MAP4: variants seen among roughly 807,000 people sequenced by gnomAD.
The protein encoded by MAP4 is microtubule associated protein 4.
In MAP4, 76 loss-of-function variants were observed where a neutral mutation model predicts 170.2. The observed-to-expected ratio is 0.45, with a 90% CI of 0.37 to 0.54. MAP4 has a LOEUF of 0.54. Ranked by LOEUF, MAP4 falls within the 20% of genes least tolerant of loss-of-function variation. The probability of loss-of-function intolerance (pLI) is 0.00; values close to 1 mark genes in which losing one functional copy is unlikely to be tolerated. For missense variants in MAP4, 2,506 were observed against 2,748.0 expected (o/e 0.91, Z 1.97); for synonymous variants, 909 against 994.5 (o/e 0.91, Z 1.62).
intron 1 of MAP4, among the ~76,000 whole-genome samples, chr3:48,037,554 C>A (rs2100119344): frequency 6.6e-6 from 1 of 152,088 alleles, no homozygotes; most frequent in Non-Finnish European, 1.5e-5. Flanking sequence ...GCCACCATGC[C>A]TGGCTAATTT....
At chr3:47,858,417 C>A (rs2060039638) in intron 17 of MAP4, among the ~76,000 whole-genome samples, 1 of 152,158 alleles carries the variant, frequency 6.6e-6, no homozygotes, top group African/African-American at 2.4e-5. Context: ...CCAGACAGCT[C>A]TTCTGTCATT....
At position 47,917,602 on chromosome 3, in the gene MAP4, A is replaced by G. The variant is rs892732254; in HGVS notation, c.653-428T>C. On this transcript the variant is annotated intron_variant, in intron 6 of 20. Transcript: ENST00000683076. ...GTCCGTCTCAAAAAAAAAAAAAAAA[A>G]AAGAAGAAGAAGCTAATGTCAAGTA... Among the ~76,000 whole-genome samples, 58 of 151,708 alleles carry G rather than the reference A, an allele frequency of 3.8e-4. No homozygotes were observed. The South Asian group carries it at 5.2e-3, about 14-fold the overall frequency.
chr3:48,022,725 C>A (rs144815380), intron 1 of MAP4, among the ~76,000 whole-genome samples: 3 of 152,020 alleles, frequency 2.0e-5, no homozygotes, highest in Non-Finnish European at 4.4e-5. Context: ...CCCGTCTCTA[C>A]GAAAAACACA....
chr3:48,073,047 A>T (rs1187470722), intron 1 of MAP4, among the ~76,000 whole-genome samples: 1 of 149,372 alleles, frequency 6.7e-6, no homozygotes, highest in Non-Finnish European at 1.5e-5. Context: ...CCTGGCCAAC[A>T]TGGTGAAACC....
chr3:48,019,956 A>C (rs939895020), upstream of MAP4, among the ~76,000 whole-genome samples: 1 of 152,254 alleles, frequency 6.6e-6, no homozygotes, highest in Non-Finnish European at 1.5e-5. Flanking sequence ...AGTGAAAATA[A>C]AGAAAAGTGG....
intron 9 of MAP4, among the ~76,000 whole-genome samples, chr3:47,903,930 C>A (rs2100031501): frequency 1.3e-5 from 2 of 152,194 alleles, no homozygotes; most frequent in African/African-American, 4.8e-5. Flanking sequence ...CCTAAATTAA[C>A]CTCTAATTCA....
intron 1 of MAP4, among the ~76,000 whole-genome samples, chr3:48,031,716 C>G (rs1579401554): frequency 6.6e-6 from 1 of 152,214 alleles, no homozygotes; most frequent in South Asian, 2.1e-4. Context: ...CAGAGCAAGA[C>G]TCTTTCTCAA....
At chr3:47,948,618 G>A (rs2100061657) in intron 3 of MAP4, among the ~76,000 whole-genome samples, 2 of 151,394 alleles carry the variant, frequency 1.3e-5, no homozygotes, top group South Asian at 4.2e-4. Context: ...TGCTCTGGCA[G>A]GTGATCAATT....
chr3:47,984,950 C>T (rs1454314354), intron 2 of MAP4, among the ~76,000 whole-genome samples: 1 of 150,556 alleles, frequency 6.6e-6, no homozygotes, highest in Non-Finnish European at 1.5e-5. Context: ...GACTGGGAGA[C>T]AAAGTGAGAC....
chr3:48,063,146 T>TAA (rs112104186), intron 1 of MAP4, among the ~76,000 whole-genome samples: 3 of 141,856 alleles, frequency 2.1e-5, no homozygotes, highest in Non-Finnish European at 3.1e-5. Flanking sequence ...TCAAATTCAT[T>TAA]AAAAAAAAAA....
At position 47,855,459 on chromosome 3, in the gene MAP4, C is replaced by T. The variant is rs561340297; in HGVS notation, c.6584-99G>A. On this transcript the variant is annotated intron_variant, in intron 18 of 20. Coordinates refer to ENST00000683076, the MANE Select transcript of MAP4 (RefSeq NM_001385682.1). The surrounding 1 kb of genome is among the most constrained non-coding windows in gnomAD (Gnocchi z 5.1). ...ATGCCCAATCTAGAAATGAGACAGA[C>T]GTGACCTGTTCTGGGTGGCAAATGA... The T allele has an allele frequency of 3.0e-5, 23 of 771,248 alleles. No individual in the cohort carries two copies. The highest frequency in any genetic ancestry group is 2.3e-4 in the Admixed American group (13 of 56,076). 47.8% of individuals were successfully genotyped at this position (771,248 alleles called of 1,614,324 possible).
intron 10 of MAP4, among the ~76,000 whole-genome samples, chr3:47,882,343 ATATTT>A: frequency 6.6e-6 from 1 of 152,232 alleles, no homozygotes; most frequent in South Asian, 2.1e-4. Context: ...CTTAAGTCTG[ATATTT>A]TATTTTTTAT....
chr3:47,917,569 G>C (rs2100040425), intron 6 of MAP4, among the ~76,000 whole-genome samples: 1 of 143,730 alleles, frequency 7.0e-6, no homozygotes, highest in Non-Finnish European at 1.5e-5. Context: ...CTGGGGGACA[G>C]GGCAAGAGTC....
At chr3:47,983,772 G>A (rs774451526) in intron 2 of MAP4, among the ~76,000 whole-genome samples, 1 of 152,096 alleles carries the variant, frequency 6.6e-6, no homozygotes, top group Admixed American at 6.5e-5. Flanking sequence ...TCCTGCCTCA[G>A]TCTCCCAAGT....
chr3:47,929,965 C>T (rs759829984), intron 3 of MAP4, among the ~76,000 whole-genome samples: 65 of 151,816 alleles, frequency 4.3e-4, no homozygotes, highest in Middle Eastern at 3.4e-3. Flanking sequence ...CCCATCTCTA[C>T]TAAAAAATAC....
intron 2 of MAP4, among the ~76,000 whole-genome samples, chr3:47,984,796 C>A (rs569991648): frequency 3.9e-5 from 6 of 152,000 alleles, no homozygotes; most frequent in African/African-American, 1.4e-4. Context: ...TGGTGAAAAC[C>A]TGTCTCTAAT....
intron 1 of MAP4, among the ~76,000 whole-genome samples, chr3:48,043,352 C>T (rs963631473): frequency 6.6e-6 from 1 of 152,118 alleles, no homozygotes; most frequent in African/African-American, 2.4e-5. Flanking sequence ...CTACCTGCCT[C>T]GGCCTTCCAA....
chr3:47,925,591 C>T (rs553714367), intron 4 of MAP4, among the ~76,000 whole-genome samples: 2 of 152,170 alleles, frequency 1.3e-5, no homozygotes, highest in East Asian at 3.9e-4. Flanking sequence ...CAGGACTCCT[C>T]AAAACAGTAT....
At chr3:47,928,557 G>C (rs1400207426) in intron 3 of MAP4, among the ~76,000 whole-genome samples, 1 of 152,152 alleles carries the variant, frequency 6.6e-6, no homozygotes, top group East Asian at 1.9e-4. Context: ...TTGGGAGACT[G>C]AGAGAGGATT....
Sources: allele counts gnomAD v4.1 joint callset (sites outside exome capture counted in the v4.1 genomes callset), GRCh38; gene constraint gnomAD v4.1.1; non-coding constraint Gnocchi (gnomAD v3.1); transcripts MANE v1.5; gene names NCBI Gene and HGNC (gene_info 2026-07-23, HGNC 2026-07-21).